Variants in AGPS observed in about 807,000 individuals in gnomAD.
AGPS encodes the protein alkyldihydroxyacetonephosphate synthase, peroxisomal.
A neutral mutation model predicts 90.7 loss-of-function variants in AGPS; 26 were observed. The ratio of observed to expected loss-of-function variants is 0.29; its 90% CI spans 0.21 to 0.40. The LOEUF (loss-of-function observed/expected upper bound fraction) is 0.40, where lower values mean the gene tolerates loss of function less well. AGPS is among the 10% of genes least tolerant of loss of function. AGPS has a pLI of 1.00. For synonymous variants in AGPS, 294 were observed against 285.3 expected (o/e 1.03, Z -0.31); for missense variants, 540 against 816.1 (o/e 0.66, Z 4.12).
intron 10 of AGPS, among the ~76,000 whole-genome samples, chr2:177,481,605 T>G (rs1425158559): frequency 4.6e-5 from 7 of 152,034 alleles, no homozygotes; most frequent in African/African-American, 1.7e-4. Flanking sequence ...CTCAGATTTC[T>G]TCTATCATCT....
At chr2:177,522,244 T>G (rs774970352) in intron 18 of AGPS, among the ~76,000 whole-genome samples, 11 of 152,216 alleles carry the variant, frequency 7.2e-5, no homozygotes, top group Non-Finnish European at 1.3e-4. Context: ...AGCCTTTCAC[T>G]GCTTCAGTGT....
At chr2:177,511,248 C>T (rs115186089) in intron 16 of AGPS, among the ~76,000 whole-genome samples, 44 of 152,020 alleles carry the variant, frequency 2.9e-4, no homozygotes, top group Admixed American at 5.9e-4. Flanking sequence ...CCCAGGTGCA[C>T]GTCACCATGC....
Position 177,399,181 on chromosome 2 carries a change from T to C in AGPS, c.260+6132T>C, listed in dbSNP as rs148271883. Among the ~76,000 whole-genome samples, 610 of 152,338 alleles carry C rather than the reference T, an allele frequency of 4.0e-3. 5 individuals are homozygous for C. The highest frequency in any genetic ancestry group is 0.032 in the East Asian group (167 of 5,192). On this transcript the variant is annotated intron_variant, in intron 1 of 19. Coordinates refer to ENST00000264167, the MANE Select transcript of AGPS (RefSeq NM_003659.4). ...GAAATGGATTGCTGTTGTAGTCAGA[T>C]GAGATACTTTATGGAACACTTTAAA... is the stretch of plus-strand genomic sequence containing the variant.
chr2:177,537,894 A>G (rs1051609789), intron 19 of AGPS, among the ~76,000 whole-genome samples, 180 bp from the exon 20 acceptor site: 1 of 152,244 alleles, frequency 6.6e-6, no homozygotes, highest in African/African-American at 2.4e-5. Flanking sequence ...TCCCCTGGGA[A>G]TACATTGGGC....
At chr2:177,438,887 A>C (rs1463293425) in intron 5 of AGPS, among the ~76,000 whole-genome samples, 1 of 152,082 alleles carries the variant, frequency 6.6e-6, no homozygotes, top group African/African-American at 2.4e-5. Context: ...ATGAAGTCCA[A>C]GTTTTTCTTT....
At position 177,540,007 on chromosome 2, in the gene AGPS, T is replaced by TAAAA. The variant is rs61052002; in HGVS notation, c.*1814_*1815insAAAA. On this transcript the variant is annotated 3_prime_UTR_variant, in exon 20 of 20. Coordinates refer to ENST00000264167, the MANE Select transcript of AGPS (RefSeq NM_003659.4). The stretch of plus-strand genomic sequence containing the variant: ...TTAATTGGTGATCAAAATATAAAAT[T>TAAAA]AAGGTACTAATGTCTCACTGGAAGT... The TAAAA allele has an allele frequency of 1.4e-5, 2 of 147,428 alleles. No homozygotes were observed. Among genetic ancestry groups the TAAAA allele is most frequent in the Non-Finnish European group, 3.0e-5 (2 of 67,016 alleles). The allele number at this position is 147,428 out of a possible 1,614,324, so 9.1% of individuals were successfully genotyped here.
intron 15 of AGPS, among the ~76,000 whole-genome samples, chr2:177,506,935 C>T (rs1316148790): frequency 6.6e-6 from 1 of 151,976 alleles, no homozygotes; most frequent in Non-Finnish European, 1.5e-5. Context: ...TGAAATATAA[C>T]TGTAACAAGT....
chr2:177,403,401 CAGA>C (rs934465265), intron 1 of AGPS, among the ~76,000 whole-genome samples: 3 of 152,080 alleles, frequency 2.0e-5, no homozygotes, highest in African/African-American at 7.2e-5. Context: ...AGAACAGAAT[CAGA>C]AGAATTAGGG....
intron 8 of AGPS, among the ~76,000 whole-genome samples, chr2:177,460,313 A>G (rs1024780785): frequency 6.6e-6 from 1 of 150,742 alleles, no homozygotes; most frequent in Non-Finnish European, 1.5e-5. Context: ...TTAAAGTATA[A>G]TGATAAAAAA....
At position 177,392,869 on chromosome 2, in the gene AGPS, GGGACCC is replaced by G. The variant is rs886055162; in HGVS notation, c.92_97del (p.Pro31_Asp32del). The G allele has an allele frequency of 6.4e-7, 1 of 1,553,742 alleles. No homozygotes were observed. Among genetic ancestry groups the G allele is most frequent in the Non-Finnish European group, 8.7e-7 (1 of 1,151,706 alleles). On this transcript the variant is annotated inframe_deletion, in exon 1 of 20. Coordinates refer to ENST00000264167, the MANE Select transcript of AGPS (RefSeq NM_003659.4). ...TACGGGTCTGCAGCGGACCGGGACC[GGGACCC>G]GGACCCGGACCGCGCCGGGCGGAGG...
chr2:177,505,453 G>A, intron 14 of AGPS, 53 bp from the exon 15 acceptor site: 1 of 1,455,914 alleles, frequency 6.9e-7, no homozygotes, highest in Non-Finnish European at 9.6e-7. Context: ...ATACATTTAT[G>A]ATAAATGAGA....
chr2:177,435,008 T>TATAC (rs1263998230), intron 3 of AGPS, among the ~76,000 whole-genome samples: 1 of 146,136 alleles, frequency 6.8e-6, no homozygotes, highest in East Asian at 2.0e-4. Context: ...TATATATATA[T>TATAC]ATATATATAT....
At chr2:177,524,996 CA>C (rs1307746447) in intron 19 of AGPS, among the ~76,000 whole-genome samples, 2 of 152,178 alleles carry the variant, frequency 1.3e-5, no homozygotes, top group East Asian at 3.8e-4. Context: ...TTAACCCCCA[CA>C]AATGAATTCT....
intron 9 of AGPS, among the ~76,000 whole-genome samples, chr2:177,467,040 C>T (rs1010408091): frequency 1.3e-5 from 2 of 152,212 alleles, no homozygotes; most frequent in Non-Finnish European, 2.9e-5. Context: ...TTCCAGCTCC[C>T]GTTGGCTCCA....
At chr2:177,436,326 A>G (rs984537373) in intron 3 of AGPS, among the ~76,000 whole-genome samples, 6 of 151,430 alleles carry the variant, frequency 4.0e-5, no homozygotes, top group Non-Finnish European at 8.8e-5. Flanking sequence ...TAATTTTTGT[A>G]TTTTTAGTAG....
chr2:177,496,769 T>C (rs1688426286), intron 12 of AGPS, among the ~76,000 whole-genome samples: 2 of 152,142 alleles, frequency 1.3e-5, no homozygotes, highest in African/African-American at 4.8e-5. Context: ...CTACCAGTGA[T>C]AGTTTTAGAA....
At chr2:177,470,710 C>A (rs78536937) in intron 10 of AGPS, among the ~76,000 whole-genome samples, 1,582 of 108,054 alleles carry the variant, frequency 0.015, no homozygotes, top group African/African-American at 0.017. Context: ...GACTTTGTCT[C>A]AAAAAAAAAA....
chr2:177,536,632 G>A (rs1370580732), intron 19 of AGPS, among the ~76,000 whole-genome samples: 3 of 151,876 alleles, frequency 2.0e-5, no homozygotes, highest in African/African-American at 7.3e-5. Flanking sequence ...GCAGGAATAG[G>A]GATTTATTTA....
At chr2:177,523,955 G>T (rs2079056772) in intron 19 of AGPS, 150 bp downstream of exon 19, 1 of 726,840 alleles carries the variant, frequency 1.4e-6, no homozygotes, top group Admixed American at 2.2e-5. Context: ...CTGTTACTGA[G>T]GTAGATAGTT....
Sources: gnomAD v4.1 joint callset for allele counts (sites outside exome capture counted in the v4.1 genomes callset) on GRCh38, gnomAD v4.1.1 for gene constraint, MANE v1.5 for transcripts, NCBI Gene and HGNC (gene_info 2026-07-23, HGNC 2026-07-21) for gene names.